CHODL: variants seen among roughly 807,000 people sequenced by gnomAD.
CHODL encodes the protein transmembrane protein MT75.
Under a neutral mutation model 34.5 loss-of-function variants are expected in CHODL, and 29 were observed. The observed-to-expected ratio is 0.84, with a 90% CI of 0.63 to 1.15. The LOEUF is 1.15. Ranked by LOEUF, CHODL falls within the 50% of genes most tolerant of loss-of-function variation. The pLI, the probability that CHODL is intolerant of heterozygous loss-of-function variation, is 0.00. For missense variants in CHODL, 332 were observed against 332.5 expected, an observed-to-expected ratio of 1.00 and a Z score of 0.01; for synonymous variants, 125 against 116.1, an observed-to-expected ratio of 1.08 and a Z score of -0.49.
At chr21:18,057,066 T>C (rs1358694169) in intron 2 of CHODL, among the ~76,000 whole-genome samples, 2 of 152,144 alleles carry the variant, frequency 1.3e-5, no homozygotes, top group Admixed American at 6.6e-5. Context: ...GGAACTTCCA[T>C]GTCATTATCT....
At chr21:18,128,840 TAATA>T (rs1421460615) in intron 2 of CHODL, among the ~76,000 whole-genome samples, 1 of 152,164 alleles carries the variant, frequency 6.6e-6, no homozygotes, top group Admixed American at 6.5e-5. Flanking sequence ...TTTGTAAAAT[TAATA>T]GTTTCATGTT....
intron 2 of CHODL, among the ~76,000 whole-genome samples, chr21:18,221,676 C>T (rs11911589): frequency 0.075 from 11,384 of 152,266 alleles, 525 homozygotes; most frequent in African/African-American, 0.13. Flanking sequence ...TTTAGTGTCT[C>T]AGGCTGCGGT....
At chr21:17,943,589 C>T (rs1011756652) in intron 1 of CHODL, among the ~76,000 whole-genome samples, 1 of 152,168 alleles carries the variant, frequency 6.6e-6, no homozygotes, top group Non-Finnish European at 1.5e-5. Flanking sequence ...AGTTCAACTA[C>T]CAACTATTTG....
At chr21:18,157,124 A>T (rs1350354202) in intron 2 of CHODL, among the ~76,000 whole-genome samples, 1 of 152,188 alleles carries the variant, frequency 6.6e-6, no homozygotes, top group Non-Finnish European at 1.5e-5. Context: ...CGAGTCACAC[A>T]CCTGCTTACA....
intron 2 of CHODL, among the ~76,000 whole-genome samples, chr21:18,162,228 C>T (rs2073103389): frequency 6.6e-6 from 1 of 152,164 alleles, no homozygotes; most frequent in Non-Finnish European, 1.5e-5. Flanking sequence ...TTTATTGTCT[C>T]ATGGTTACGG....
chr21:18,049,328 T>G (rs551570534), intron 2 of CHODL, among the ~76,000 whole-genome samples: 75 of 152,104 alleles, frequency 4.9e-4, no homozygotes, highest in African/African-American at 1.6e-3. Context: ...TGGGAAAATT[T>G]TAGAATGTAT....
intron 2 of CHODL, among the ~76,000 whole-genome samples, chr21:18,150,568 G>A (rs902250810): frequency 1.3e-5 from 2 of 152,026 alleles, no homozygotes; most frequent in South Asian, 2.1e-4. Flanking sequence ...ACTTTCATGC[G>A]GGAAAAAGGG....
At chr21:18,042,118 G>GA (rs968860309) in intron 2 of CHODL, among the ~76,000 whole-genome samples, 20 of 151,110 alleles carry the variant, frequency 1.3e-4, no homozygotes, top group East Asian at 5.9e-4. Flanking sequence ...CTTAAAATTT[G>GA]AAAAAAAATG....
chr21:18,062,144 G>A (rs539280324), intron 2 of CHODL, among the ~76,000 whole-genome samples: 1 of 152,276 alleles, frequency 6.6e-6, no homozygotes, highest in South Asian at 2.1e-4. Context: ...AAGTACGTGA[G>A]TTCAGTGACA....
At chr21:18,137,123 C>G (rs1229247488) in intron 2 of CHODL, among the ~76,000 whole-genome samples, 1 of 151,966 alleles carries the variant, frequency 6.6e-6, no homozygotes, top group Admixed American at 6.6e-5. Flanking sequence ...AAATCCTTGG[C>G]CTGTGTGCAA....
chr21:18,016,508 C>A (rs564926056), intron 1 of CHODL, among the ~76,000 whole-genome samples: 1 of 152,182 alleles, frequency 6.6e-6, no homozygotes, highest in Non-Finnish European at 1.5e-5. Flanking sequence ...CAAGCCCAGG[C>A]GCATGACCTT....
At chr21:17,964,737 A>G (rs141294200) in intron 1 of CHODL, among the ~76,000 whole-genome samples, 3 of 152,314 alleles carry the variant, frequency 2.0e-5, no homozygotes, top group South Asian at 2.1e-4. Context: ...AACATAATCA[A>G]TGTTAACTGT....
At chr21:18,011,031 G>T (rs1360227065) in intron 1 of CHODL, among the ~76,000 whole-genome samples, 2 of 152,134 alleles carry the variant, frequency 1.3e-5, no homozygotes, top group African/African-American at 4.8e-5. Context: ...GAAGTTGGTT[G>T]AATTTTTTGT....
chr21:18,183,310 C>G (rs1013239302), intron 2 of CHODL, among the ~76,000 whole-genome samples: 1 of 152,156 alleles, frequency 6.6e-6, no homozygotes, highest in Non-Finnish European at 1.5e-5. Context: ...GTCCTGCTTT[C>G]CGGAAATTTA....
chr21:18,125,392 C>T (rs1469412279), intron 2 of CHODL, among the ~76,000 whole-genome samples: 1 of 152,084 alleles, frequency 6.6e-6, no homozygotes, highest in Admixed American at 6.5e-5. Flanking sequence ...CATCTTACTC[C>T]ATTCATCAGA....
In CHODL at chr21:17,969,369, G is replaced by T. The variant is rs1285883165; in HGVS notation, c.-145+51969G>T. Among the ~76,000 whole-genome samples the T allele has an allele frequency of 2.0e-5, 3 of 152,276 alleles. No individual in the cohort carries two copies. In the East Asian group the frequency reaches 5.8e-4, roughly 29 times the overall value. The stretch of plus-strand genomic sequence containing the variant: ...TATATAGAAGAAAAGAAAAGAGAAA[G>T]ATGTAAGATATAGAGGAGAATAAAT... On this transcript the variant is annotated intron_variant, in intron 1 of 6. Coordinates refer to the CHODL transcript ENST00000400127.
At chr21:18,078,118 CG>C (rs2064888841) in intron 2 of CHODL, among the ~76,000 whole-genome samples, 1 of 152,040 alleles carries the variant, frequency 6.6e-6, no homozygotes, top group African/African-American at 2.4e-5. Flanking sequence ...ATTTGTAAAA[CG>C]GTGTATTAGT....
chr21:17,927,126 A>ATATATGTATATATG (rs1418947136), intron 1 of CHODL, among the ~76,000 whole-genome samples: 14 of 113,362 alleles, frequency 1.2e-4, no homozygotes, highest in African/African-American at 5.5e-4. Context: ...GTATATATGT[A>ATATATGTATATATG]TATATATGTA....
chr21:17,985,520 G>A lies in CHODL; in HGVS notation c.-144-42352G>A, dbSNP rs1282669644. On this transcript the variant is annotated intron_variant, in intron 1 of 6. Transcript: ENST00000400127. ...ATACAGCAAGAGAGGAAAAATTCTA[G>A]TTGGTTTTCCTTCTTTGTATGTCTA... 2.0e-5 allele frequency among the ~76,000 whole-genome samples: 3 copies of A among 152,284 alleles called. No homozygotes were observed. The East Asian group carries it at 5.8e-4, about 29-fold the overall frequency.
Sources: allele counts gnomAD v4.1 joint callset (sites outside exome capture counted in the v4.1 genomes callset), GRCh38; gene constraint gnomAD v4.1.1; transcripts MANE v1.5; gene names NCBI Gene and HGNC (gene_info 2026-07-23, HGNC 2026-07-21).